Variants in PHLDB2 observed in about 807,000 individuals in gnomAD.
PHLDB2 encodes pleckstrin homology-like domain family B member 2.
PHLDB2 carries 71 observed loss-of-function variants against 123.6 expected under a neutral mutation model. The ratio of observed to expected loss-of-function variants is 0.57; its 90% CI spans 0.47 to 0.70. The LOEUF (loss-of-function observed/expected upper bound fraction) is 0.70, where lower values mean the gene tolerates loss of function less well. Among genes scored for constraint, PHLDB2 ranks in the 30% least tolerant of loss-of-function variants. PHLDB2 has a pLI of 0.00. For synonymous variants in PHLDB2, 547 were observed against 541.6 expected (o/e 1.01, Z -0.14); for missense variants, 1,446 against 1,519.5 (o/e 0.95, Z 0.80).
chr3:111,957,144 T>A (rs2071108971), intron 12 of PHLDB2: 1 of 152,666 alleles, frequency 6.6e-6, no homozygotes, highest in African/African-American at 2.4e-5. Context: ...GAAGTTGGAA[T>A]GGTTATTGGC....
intron 1 of PHLDB2, chr3:111,779,708 C>T (rs187119385): frequency 3.9e-4 from 134 of 340,302 alleles, no homozygotes; most frequent in Admixed American, 1.2e-3. Flanking sequence ...GTTCATTCCA[C>T]ATTTTTGCTC....
At chr3:111,876,596 G>A (rs1011661106) in intron 1 of PHLDB2, among the ~76,000 whole-genome samples, 1 of 152,076 alleles carries the variant, frequency 6.6e-6, no homozygotes, top group Non-Finnish European at 1.5e-5. Flanking sequence ...TATACTTTAA[G>A]TTCTGGGGTA....
At chr3:111,743,236 C>T (rs914422758) in intron 1 of PHLDB2, among the ~76,000 whole-genome samples, 1 of 152,104 alleles carries the variant, frequency 6.6e-6, no homozygotes, top group Admixed American at 6.5e-5. Context: ...AAGTTTCGAT[C>T]CCTGGAGAAA....
chr3:111,973,694 G>A, intron 16 of PHLDB2, 38 bp from the exon 17 acceptor site: 2 of 1,104,350 alleles, frequency 1.8e-6, no homozygotes, highest in South Asian at 1.4e-5. Flanking sequence ...CTGTTCCTCA[G>A]TGGCGATAAA....
At chr3:111,798,558 A>T (rs1259742322) in intron 1 of PHLDB2, among the ~76,000 whole-genome samples, 1 of 151,702 alleles carries the variant, frequency 6.6e-6, no homozygotes, top group African/African-American at 2.4e-5. Flanking sequence ...CATACCTGTA[A>T]TCCCAACACT....
chr3:111,799,669 CAG>C (rs2061310204), intron 1 of PHLDB2, among the ~76,000 whole-genome samples: 2 of 152,104 alleles, frequency 1.3e-5, no homozygotes, highest in African/African-American at 4.8e-5. Context: ...TAAAGACTTC[CAG>C]CAATTTCACT....
At chr3:111,939,443 T>G (rs712509) in intron 6 of PHLDB2, 32 bp from the exon 7 acceptor site, 723,653 of 1,580,312 alleles carry the variant, frequency 0.46, 171,342 homozygotes, top group East Asian at 0.74. Context: ...GTTATCTCAG[T>G]GTGTCTTGTT....
In PHLDB2 at chr3:111,743,399, C is replaced by T. The variant is rs140721497; in HGVS notation, c.-49+10696C>T. 1.5e-3 allele frequency among the ~76,000 whole-genome samples: 224 copies of T among 152,296 alleles called. 1 individual carries two copies. Among genetic ancestry groups the T allele is most frequent in the African/African-American group, 5.2e-3 (215 of 41,574 alleles). ...TTCTGTGCAGTCCAGGGCTCGCATG[C>T]TCTCCCATACCCTAGGGACTTCTGC... On this transcript the variant is annotated intron_variant, in intron 1 of 17. Transcript: ENST00000393923.
At chr3:111,930,160 C>G (rs562547258) in intron 5 of PHLDB2, among the ~76,000 whole-genome samples, 23 of 151,964 alleles carry the variant, frequency 1.5e-4, no homozygotes, top group African/African-American at 5.1e-4. Context: ...ATCCGCCTGC[C>G]TCGGCCTCCC....
chr3:111,789,774 C>A (rs2060835849), intron 1 of PHLDB2, among the ~76,000 whole-genome samples: 1 of 152,114 alleles, frequency 6.6e-6, no homozygotes, highest in Admixed American at 6.5e-5. Flanking sequence ...TACCGCCGTG[C>A]CAAAATTGGA....
chr3:111,756,457 A>T (rs1327336777), intron 1 of PHLDB2, among the ~76,000 whole-genome samples: 2 of 152,106 alleles, frequency 1.3e-5, no homozygotes, highest in African/African-American at 4.8e-5. Flanking sequence ...TTTATCAGAG[A>T]CTAGGATTGC....
chr3:111,757,391 C>A (rs983019029), intron 1 of PHLDB2, among the ~76,000 whole-genome samples: 2 of 152,114 alleles, frequency 1.3e-5, no homozygotes, highest in Non-Finnish European at 2.9e-5. Context: ...CGCTTCATTT[C>A]ATTCATTTCA....
chr3:111,926,286 G>C (rs950293795), intron 5 of PHLDB2, among the ~76,000 whole-genome samples: 6 of 152,196 alleles, frequency 3.9e-5, no homozygotes, highest in African/African-American at 1.4e-4. Context: ...TCTGGCCAAA[G>C]TACCTGTTAC....
intron 1 of PHLDB2, among the ~76,000 whole-genome samples, chr3:111,838,549 A>T (rs903272131): frequency 2.6e-5 from 4 of 152,222 alleles, no homozygotes; most frequent in African/African-American, 4.8e-5. Context: ...GTCAACATGG[A>T]TGAAGGCTAA....
At chr3:111,961,944 G>T in intron 12 of PHLDB2, 164 bp from the exon 13 acceptor site, 2 of 668,880 alleles carry the variant, frequency 3.0e-6, no homozygotes, top group Non-Finnish European at 2.5e-6. Flanking sequence ...TGCTTGCACT[G>T]AGCACGGTGC....
intron 1 of PHLDB2, among the ~76,000 whole-genome samples, chr3:111,757,252 T>A (rs1440114371): frequency 6.6e-6 from 1 of 152,230 alleles, no homozygotes; most frequent in Non-Finnish European, 1.5e-5. Context: ...GTTTTCCAAC[T>A]TGGTTCCATT....
At chr3:111,831,599 A>G (rs991596548) in intron 1 of PHLDB2, among the ~76,000 whole-genome samples, 1 of 152,152 alleles carries the variant, frequency 6.6e-6, no homozygotes, top group Non-Finnish European at 1.5e-5. Context: ...CCTATATTTA[A>G]TATGTCTCAA....
intron 2 of PHLDB2, among the ~76,000 whole-genome samples, chr3:111,900,362 C>T (rs1002190214): frequency 6.6e-6 from 1 of 152,168 alleles, no homozygotes; most frequent in African/African-American, 2.4e-5. Flanking sequence ...AAAGCTTAAT[C>T]GTTTCTAGCT....
intron 1 of PHLDB2, among the ~76,000 whole-genome samples, chr3:111,882,817 G>C (rs929392078): frequency 1.3e-5 from 2 of 152,184 alleles, no homozygotes; most frequent in Admixed American, 6.5e-5. Flanking sequence ...CTGAGAGGGA[G>C]TGAGGAAGGC....
Sources: allele counts gnomAD v4.1 joint callset (sites outside exome capture counted in the v4.1 genomes callset), GRCh38; gene constraint gnomAD v4.1.1; transcripts MANE v1.5; gene names NCBI Gene and HGNC (gene_info 2026-07-23, HGNC 2026-07-21).